UTRN: variants seen among roughly 807,000 people sequenced by gnomAD.
The protein encoded by UTRN is dystrophin-related protein 1.
Under a neutral mutation model 463.9 loss-of-function variants are expected in UTRN, and 283 were observed. The ratio of observed to expected loss-of-function variants is 0.61; its 90% CI spans 0.55 to 0.67. The LOEUF (loss-of-function observed/expected upper bound fraction) is 0.67. Ranked by LOEUF, UTRN falls within the 30% of genes least tolerant of loss-of-function variation. UTRN has a pLI of 0.00. For missense variants in UTRN, 3,922 were observed against 4,084.3 expected, an observed-to-expected ratio of 0.96 and a Z score of 1.08; for synonymous variants, 1,442 against 1,431.5, an observed-to-expected ratio of 1.01 and a Z score of -0.17.
chr6:144,594,607 T>G (rs1311162511), intron 51 of UTRN, among the ~76,000 whole-genome samples: 2 of 152,216 alleles, frequency 1.3e-5, no homozygotes, highest in Non-Finnish European at 2.9e-5. Context: ...TTTTTTTCTT[T>G]TCAAAATAGT....
rs1780864888 is a variant in UTRN at position 144,670,239 on chromosome 6, C to G, written c.7480-8167C>G. 2.0e-5 allele frequency among the ~76,000 whole-genome samples: 3 copies of G among 152,112 alleles called. No individual in the cohort carries two copies. In the South Asian group the frequency reaches 6.2e-4, roughly 31 times the overall value. On this transcript the variant is annotated intron_variant, in intron 51 of 74. Transcript: ENST00000367545. ...CATAGTGGTTGTACTAGTTTATGCTCCCATGAGCAGCGTAAAACTTCCCTT... is the reference window on the plus strand; with the variant it reads ...CATAGTGGTTGTACTAGTTTATGCTGCCATGAGCAGCGTAAAACTTCCCTT...
At chr6:144,421,150 G>A (rs1015677429) in intron 3 of UTRN, among the ~76,000 whole-genome samples, 2 of 152,068 alleles carry the variant, frequency 1.3e-5, no homozygotes, top group African/African-American at 2.4e-5. Context: ...GGGATTGCAG[G>A]TGCCTACCGC....
At chr6:144,751,661 C>T (rs1183429312) in intron 55 of UTRN, 145 bp from the exon 56 acceptor site, 1 of 680,364 alleles carries the variant, frequency 1.5e-6, no homozygotes, top group Non-Finnish European at 2.2e-6. Flanking sequence ...AAAATCTGTG[C>T]ATAAATGGAC....
rs139786061 is a variant in UTRN at position 144,435,735 on chromosome 6, G to A, written c.856-200G>A. Among the ~76,000 whole-genome samples, 173 of 152,306 alleles carry A rather than the reference G, an allele frequency of 1.1e-3. 1 individual carries two copies. The highest frequency in any genetic ancestry group is 2.1e-3 in the East Asian group (11 of 5,184). On this transcript the variant is annotated intron_variant, in intron 9 of 74. Transcript: ENST00000367545. Reference sequence around the variant, plus strand: ...AGTACAGAATTCATGAGTGCATGCTGCTTTTATACTCTTTGCTACCCTAGT... The same window carrying A: ...AGTACAGAATTCATGAGTGCATGCTACTTTTATACTCTTTGCTACCCTAGT...
In UTRN at chr6:144,385,220, GA is replaced by G. The variant is rs1781306297; in HGVS notation, c.80-17899del. Among the ~76,000 whole-genome samples the G allele has an allele frequency of 2.0e-5, 3 of 152,162 alleles. No individual in the cohort carries two copies. The South Asian group carries it at 6.2e-4, about 31-fold the overall frequency. ...GTGTCCTTAGGAAGGAGACAAGAAA[GA>G]AAACAGAGAACGTTATCCTTCCTTT... On this transcript the variant is annotated intron_variant, in intron 2 of 74. Transcript: ENST00000367545.
At chr6:144,586,063 T>A (rs761992602) in intron 51 of UTRN, among the ~76,000 whole-genome samples, 9 of 152,136 alleles carry the variant, frequency 5.9e-5, no homozygotes, top group Non-Finnish European at 1.2e-4. Context: ...TAGTCTTTTG[T>A]TAGACTTTTC....
At chr6:144,802,980 A>C (rs561418334) in intron 64 of UTRN, 56 bp from the exon 65 acceptor site, 1 of 1,263,038 alleles carries the variant, frequency 7.9e-7, no homozygotes, top group East Asian at 2.6e-5. Flanking sequence ...TCTTACCACA[A>C]ATTTAGACTA....
chr6:144,494,011 T>A (rs908523756), intron 33 of UTRN, among the ~76,000 whole-genome samples: 26 of 152,228 alleles, frequency 1.7e-4, no homozygotes, highest in South Asian at 8.3e-4. Flanking sequence ...TTAAAAAAAA[T>A]TTATTTTTAA....
intron 73 of UTRN, among the ~76,000 whole-genome samples, chr6:144,842,804 ACCTCC>A: frequency 6.7e-6 from 1 of 148,972 alleles, no homozygotes; most frequent in African/African-American, 2.5e-5. Flanking sequence ...CTCCACACCC[ACCTCC>A]CCACCTCCCC....
intron 18 of UTRN, among the ~76,000 whole-genome samples, chr6:144,452,709 A>C (rs1211725798): frequency 6.6e-6 from 1 of 151,882 alleles, no homozygotes; most frequent in Non-Finnish European, 1.5e-5. Flanking sequence ...ACAAGGCAGG[A>C]GGATTGCTTG....
intron 65 of UTRN, among the ~76,000 whole-genome samples, chr6:144,817,323 A>G (rs1006842462): frequency 6.6e-6 from 1 of 152,174 alleles, no homozygotes; most frequent in African/African-American, 2.4e-5. Context: ...CAGAAACCGA[A>G]TCTTCCAAGA....
intron 51 of UTRN, among the ~76,000 whole-genome samples, chr6:144,653,585 T>TAA (rs77314155): frequency 2.2e-4 from 30 of 135,102 alleles, no homozygotes; most frequent in Admixed American, 3.7e-4. Context: ...GACTCCATCT[T>TAA]AAAAAAAAAA....
intron 52 of UTRN, among the ~76,000 whole-genome samples, chr6:144,682,165 G>T (rs1278351760): frequency 6.6e-6 from 1 of 151,830 alleles, no homozygotes; most frequent in East Asian, 1.9e-4. Flanking sequence ...ACCCTTCCCA[G>T]CCTCTGGTAA....
chr6:144,403,151 C>T lies in UTRN; in HGVS notation c.108C>T (p.Thr36=), dbSNP rs747600521. Residue 36 remains threonine, a synonymous_variant, in exon 3 of 75, where the codon ACC becomes ACT. Coordinates refer to ENST00000367545, the MANE Select transcript of UTRN (RefSeq NM_007124.3). ...AACACAATGACGTACAGAAGAAAAC[C>T]TTTACCAAATGGATAAATGCTCGAT... ...SDEHNDVQKK[T]FTKWINARFS... 1 of 1,613,528 alleles carries T rather than the reference C, an allele frequency of 6.2e-7. No individual in the cohort carries two copies. The highest frequency in any genetic ancestry group is 8.5e-7 in the Non-Finnish European group (1 of 1,179,782).
chr6:144,653,154 T>C (rs1778989887), intron 51 of UTRN, among the ~76,000 whole-genome samples: 1 of 152,222 alleles, frequency 6.6e-6, no homozygotes, highest in African/African-American at 2.4e-5. Context: ...TGCTGTATTA[T>C]AGATCTTTAC....
At chr6:144,358,351 A>G (rs1259624481) in intron 2 of UTRN, among the ~76,000 whole-genome samples, 1 of 152,240 alleles carries the variant, frequency 6.6e-6, no homozygotes, top group Non-Finnish European at 1.5e-5. Context: ...CACACTTTGT[A>G]TAATGGAGCT....
At chr6:144,723,086 T>A (rs1787387800) in intron 53 of UTRN, among the ~76,000 whole-genome samples, 1 of 152,252 alleles carries the variant, frequency 6.6e-6, no homozygotes, top group African/African-American at 2.4e-5. Context: ...TGGGTGAGAA[T>A]GTCACAAAAT....
intron 74 of UTRN, among the ~76,000 whole-genome samples, chr6:144,850,062 T>C (rs112836928): frequency 1.3e-5 from 2 of 152,200 alleles, no homozygotes; most frequent in African/African-American, 4.8e-5. Flanking sequence ...CTGGAACCCA[T>C]CAGTGTTTGC....
At chr6:144,791,022 A>G (rs934766761) in intron 62 of UTRN, among the ~76,000 whole-genome samples, 2 of 152,212 alleles carry the variant, frequency 1.3e-5, no homozygotes, top group Non-Finnish European at 2.9e-5. Context: ...CCATTTTAGA[A>G]CTAATTAAAT....
Sources: gnomAD v4.1 joint callset for allele counts (sites outside exome capture counted in the v4.1 genomes callset) on GRCh38, gnomAD v4.1.1 for gene constraint, MANE v1.5 for transcripts, NCBI Gene and HGNC (gene_info 2026-07-23, HGNC 2026-07-21) for gene names.